Variants in METAP2 observed in about 807,000 individuals in gnomAD.
METAP2 encodes methionine aminopeptidase 2.
Under a neutral mutation model 59.4 loss-of-function variants are expected in METAP2, and 25 were observed. That is an observed-to-expected ratio of 0.42 (90% CI 0.31 to 0.59). The LOEUF is 0.59. Among genes scored for constraint, METAP2 ranks in the 20% least tolerant of loss-of-function variants. The pLI is 0.16. For missense variants in METAP2, 366 were observed against 581.2 expected, an observed-to-expected ratio of 0.63 and a Z score of 3.81; for synonymous variants, 214 against 194.1, an observed-to-expected ratio of 1.10 and a Z score of -0.85.
intron 10 of METAP2, 128 bp downstream of exon 10, chr12:95,513,044 T>TA: frequency 4.7e-6 from 2 of 425,930 alleles, no homozygotes; most frequent in Non-Finnish European, 4.0e-6. Context: ...AGCCCAACAA[T>TA]AAGAAAAAAA....
chr12:95,505,508 T>C lies in METAP2; in HGVS notation c.964+1347T>C, dbSNP rs2076351982. 4.6e-5 allele frequency among the ~76,000 whole-genome samples: 7 copies of C among 151,424 alleles called. No individual in the cohort carries two copies. The South Asian group carries it at 1.5e-3, about 32-fold the overall frequency. On this transcript the variant is annotated intron_variant, in intron 8 of 10. Transcript: ENST00000323666. ...CCCGGCCAAATTTTTTTTTTTGAGA[T>C]GGAGTCTTGCTCTGTCACCCAGGCT...
intron 4 of METAP2, among the ~76,000 whole-genome samples, chr12:95,488,511 CAA>C (rs537119415): frequency 6.5e-5 from 5 of 76,574 alleles, no homozygotes; most frequent in Middle Eastern, 6.3e-3. Flanking sequence ...TTTGTCTCAC[CAA>C]AAAAAAAAAA....
intron 2 of METAP2, among the ~76,000 whole-genome samples, chr12:95,479,472 G>T (rs1161217646): frequency 1.3e-5 from 2 of 152,178 alleles, no homozygotes; most frequent in African/African-American, 4.8e-5. Context: ...TTTAATTTTA[G>T]ATGTGCTGAA....
At chr12:95,495,163 C>T in intron 6 of METAP2, 25 bp downstream of exon 6, 1 of 1,565,538 alleles carries the variant, frequency 6.4e-7, no homozygotes, top group Non-Finnish European at 8.7e-7. Context: ...AAAATTCCTA[C>T]CCCAGCCTCC....
intron 8 of METAP2, among the ~76,000 whole-genome samples, chr12:95,510,311 G>C (rs2076393249): frequency 6.6e-6 from 1 of 152,174 alleles, no homozygotes; most frequent in Admixed American, 6.6e-5. Flanking sequence ...TGCTACAGCA[G>C]AATACCTGAG....
chr12:95,513,405 C>T (rs1037350321), intron 10 of METAP2, among the ~76,000 whole-genome samples: 1 of 152,174 alleles, frequency 6.6e-6, no homozygotes, highest in Non-Finnish European at 1.5e-5. Context: ...CACACACACA[C>T]GCACACGCGC....
chr12:95,496,821 C>CTTTTTT lies in METAP2; in HGVS notation c.867+739_867+744dup, dbSNP rs777002045. Reference sequence around the variant, plus strand: ...AATTTACCATATTAACTTTTTCTTTCTTTTTTTTTTTTTTTTTTTTTGAGA... The same window carrying CTTTTTT: ...AATTTACCATATTAACTTTTTCTTTCTTTTTTTTTTTTTTTTTTTTTTTTTTTGAGA... On this transcript the variant is annotated intron_variant, in intron 7 of 10. Transcript: ENST00000323666. Among the ~76,000 whole-genome samples the CTTTTTT allele has an allele frequency of 1.3e-3, 128 of 100,908 alleles. 1 individual carries two copies. Among genetic ancestry groups the CTTTTTT allele is most frequent in the Non-Finnish European group, 1.7e-3 (89 of 51,664 alleles). The allele number at this position is 100,908 out of a possible 152,430, so 66.2% of individuals were successfully genotyped here. A position where few individuals can be genotyped will look rare whatever the true frequency, so the allele number is the denominator to read the frequency against.
At chr12:95,482,164 C>T (rs1470048711) in intron 2 of METAP2, 2 of 452,462 alleles carry the variant, frequency 4.4e-6, no homozygotes, top group Non-Finnish European at 8.9e-6. Context: ...GGCTGACGTG[C>T]TGTGGCTCGA....
intron 3 of METAP2, among the ~76,000 whole-genome samples, chr12:95,484,189 A>G (rs1035975194): frequency 3.9e-5 from 6 of 152,052 alleles, no homozygotes; most frequent in Non-Finnish European, 7.4e-5. Flanking sequence ...AAATTTTATG[A>G]ATCAGAATTT....
At chr12:95,478,383 C>T (rs925372905) in intron 2 of METAP2, among the ~76,000 whole-genome samples, 2 of 152,182 alleles carry the variant, frequency 1.3e-5, no homozygotes, top group Non-Finnish European at 2.9e-5. Context: ...GTAATCCCAG[C>T]ATTTTGGGAG....
chr12:95,503,754 G>A (rs1204035281), intron 7 of METAP2, among the ~76,000 whole-genome samples: 2 of 152,146 alleles, frequency 1.3e-5, no homozygotes, highest in Non-Finnish European at 2.9e-5. Context: ...AGCTAAAATG[G>A]ATGGAAATAA....
At chr12:95,487,427 G>T (rs543730947) in intron 4 of METAP2, among the ~76,000 whole-genome samples, 1 of 152,024 alleles carries the variant, frequency 6.6e-6, no homozygotes, top group South Asian at 2.1e-4. Flanking sequence ...TAAAGTTCTG[G>T]AATTGTATGA....
At chr12:95,495,953 A>G in intron 6 of METAP2, 51 bp from the exon 7 acceptor site, 1 of 1,106,554 alleles carries the variant, frequency 9.0e-7, no homozygotes. Context: ...TGTAAAGTAG[A>G]TAAATTGACT....
intron 3 of METAP2, chr12:95,484,881 T>A (rs1357386046): frequency 4.4e-6 from 2 of 455,522 alleles, no homozygotes; most frequent in African/African-American, 4.0e-5. Context: ...CAGGTACTAT[T>A]CTATGTTCTT....
intron 9 of METAP2, among the ~76,000 whole-genome samples, chr12:95,512,434 C>G (rs892927348): frequency 6.6e-6 from 1 of 152,164 alleles, no homozygotes; most frequent in Admixed American, 6.5e-5. Context: ...AGGCCAGGCT[C>G]GGTAGCTCAG....
intron 7 of METAP2, among the ~76,000 whole-genome samples, chr12:95,503,672 G>A (rs920146156): frequency 1.6e-4 from 25 of 152,186 alleles, no homozygotes; most frequent in African/African-American, 5.1e-4. Flanking sequence ...AGCTGTGTGC[G>A]TGTTGCTCCA....
intron 6 of METAP2, among the ~76,000 whole-genome samples, chr12:95,495,621 C>G (rs1212904373): frequency 6.6e-6 from 1 of 152,170 alleles, no homozygotes; most frequent in Non-Finnish European, 1.5e-5. Flanking sequence ...TAAGGTTTCA[C>G]TACCTTGGAA....
intron 7 of METAP2, among the ~76,000 whole-genome samples, chr12:95,501,007 ATTTTTT>A (rs540202398): frequency 4.8e-5 from 5 of 103,536 alleles, no homozygotes; most frequent in South Asian, 3.4e-4. Context: ...CTTTGTTGGG[ATTTTTT>A]TTTTTTTTTT....
chr12:95,483,249 GAAGAAGAAA>G lies in METAP2; in HGVS notation c.303_311del (p.Lys104_Lys106del), dbSNP rs746294468. On this transcript the variant is annotated inframe_deletion, in exon 3 of 11. Transcript: ENST00000323666. Reference sequence around the variant, plus strand: ...GCGATGGAGATGGAGCAACTGGAAAGAAGAAGAAAAAGAAGAAGAAGAAGAGAGGACGTT... The same window carrying G: ...GCGATGGAGATGGAGCAACTGGAAAGAAGAAGAAGAAGAAGAGAGGACGTT... 2 of 1,612,740 alleles carry G rather than the reference GAAGAAGAAA, an allele frequency of 1.2e-6. No homozygotes were observed. The highest frequency in any genetic ancestry group is 1.1e-5 in the South Asian group (1 of 91,044).
Sources: gnomAD v4.1 joint callset for allele counts (sites outside exome capture counted in the v4.1 genomes callset) on GRCh38, gnomAD v4.1.1 for gene constraint, MANE v1.5 for transcripts, NCBI Gene and HGNC (gene_info 2026-07-23, HGNC 2026-07-21) for gene names.